The following CDH18 variants were observed in gnomAD, a reference collection of about 807,000 sequenced individuals.
CDH18 encodes the protein cadherin 18.
In CDH18, 31 loss-of-function variants were observed where a neutral mutation model predicts 67.9. The observed-to-expected ratio is 0.46, with a 90% CI of 0.34 to 0.62. The LOEUF (loss-of-function observed/expected upper bound fraction) is 0.62. CDH18 is among the 20% of genes least tolerant of loss of function. The pLI, the probability that CDH18 is intolerant of heterozygous loss-of-function variation, is 0.01. For missense variants in CDH18, 890 were observed against 975.5 expected, an observed-to-expected ratio of 0.91 and a Z score of 1.17; for synonymous variants, 362 against 347.2, an observed-to-expected ratio of 1.04 and a Z score of -0.48.
intron 3 of CDH18, among the ~76,000 whole-genome samples, chr5:19,816,703 C>A (rs1779320857): frequency 6.6e-6 from 1 of 151,618 alleles, no homozygotes; most frequent in South Asian, 2.1e-4. Context: ...AATTTCACTG[C>A]TGCATCATTC....
chr5:19,489,253 T>TTC (rs1451407092), intron 11 of CDH18, among the ~76,000 whole-genome samples: 1 of 147,794 alleles, frequency 6.8e-6, no homozygotes, highest in African/African-American at 2.5e-5. Context: ...TTTTTTTCTT[T>TTC]TTTTTTTTTT....
At chr5:19,595,975 T>C (rs1034325495) in intron 6 of CDH18, among the ~76,000 whole-genome samples, 2 of 152,210 alleles carry the variant, frequency 1.3e-5, no homozygotes, top group Non-Finnish European at 2.9e-5. Context: ...TACTAAAAGA[T>C]CTATCTTCCT....
rs150198088 is a variant in CDH18, at chr5:19,509,892, T to C, written c.1513-6783A>G. On this transcript the variant is annotated intron_variant, in intron 10 of 12. Coordinates refer to ENST00000382275, the MANE Select transcript of CDH18 (RefSeq NM_004934.5). ...TTTTCTCAGGCAACATACTAAAAGATTTTTTTTTTCAGAACAGGAAAATAT... is the reference window on the plus strand; with the variant it reads ...TTTTCTCAGGCAACATACTAAAAGACTTTTTTTTTCAGAACAGGAAAATAT... Among the ~76,000 whole-genome samples the C allele has an allele frequency of 1.4e-3, 215 of 150,728 alleles. 2 individuals are homozygous for C. Among genetic ancestry groups the C allele is most frequent in the African/African-American group, 5.1e-3 (208 of 41,120 alleles).
At chr5:20,439,930 T>C (rs2150188823) in intron 1 of CDH18, among the ~76,000 whole-genome samples, 1 of 151,868 alleles carries the variant, frequency 6.6e-6, no homozygotes, top group South Asian at 2.1e-4. Context: ...AAGAATAGAA[T>C]TGTCTAAATT....
chr5:19,805,748 A>G (rs778715120), intron 3 of CDH18, among the ~76,000 whole-genome samples: 1 of 152,098 alleles, frequency 6.6e-6, no homozygotes, highest in Non-Finnish European at 1.5e-5. Context: ...AGTCGTGTCA[A>G]TTCTACATCT....
At chr5:20,099,476 A>C (rs1008014974) in intron 2 of CDH18, among the ~76,000 whole-genome samples, 2 of 152,194 alleles carry the variant, frequency 1.3e-5, no homozygotes, top group African/African-American at 4.8e-5. Context: ...TATTTCTTTT[A>C]AACATTCATT....
intron 1 of CDH18, among the ~76,000 whole-genome samples, chr5:20,381,097 G>T (rs964552180): frequency 1.3e-5 from 2 of 152,052 alleles, no homozygotes; most frequent in Non-Finnish European, 2.9e-5. Context: ...CCATGAGCAG[G>T]CACAGAGAAA....
chr5:20,184,125 G>A lies in CDH18; in HGVS notation c.-518+71319C>T, dbSNP rs796871387. Among the ~76,000 whole-genome samples the A allele has an allele frequency of 6.6e-5, 10 of 152,002 alleles. No individual in the cohort carries two copies. In the South Asian group the frequency reaches 2.1e-3, roughly 31 times the overall value. On this transcript the variant is annotated intron_variant, in intron 2 of 14. Transcript: ENST00000507958. ...TTGACTTTCAAAAATATTTTCACCTGAGGAATGACTAATCTAGTGACATAA... is the reference window on the plus strand; with the variant it reads ...TTGACTTTCAAAAATATTTTCACCTAAGGAATGACTAATCTAGTGACATAA...
At chr5:19,677,514 T>C (rs1285736141) in intron 5 of CDH18, among the ~76,000 whole-genome samples, 1 of 152,010 alleles carries the variant, frequency 6.6e-6, no homozygotes, top group Non-Finnish European at 1.5e-5. Flanking sequence ...CAAGTCTGTA[T>C]AACAAACAGC....
chr5:19,799,188 A>G (rs529079958), intron 3 of CDH18, among the ~76,000 whole-genome samples: 3 of 152,188 alleles, frequency 2.0e-5, no homozygotes, highest in African/African-American at 4.8e-5. Context: ...TATATGGGAT[A>G]TCTAAAATAT....
chr5:19,713,776 A>C (rs1236761307), intron 5 of CDH18, among the ~76,000 whole-genome samples: 1 of 152,084 alleles, frequency 6.6e-6, no homozygotes. Flanking sequence ...ATACCTTTTG[A>C]TATTTCATTT....
intron 2 of CDH18, among the ~76,000 whole-genome samples, chr5:19,888,180 C>T (rs1400723329): frequency 6.6e-6 from 1 of 152,038 alleles, no homozygotes; most frequent in Non-Finnish European, 1.5e-5. Context: ...ATTATTTTTG[C>T]TATCTTTGGC....
intron 2 of CDH18, among the ~76,000 whole-genome samples, chr5:20,153,119 T>C (rs1417521772): frequency 1.3e-5 from 2 of 152,044 alleles, no homozygotes; most frequent in East Asian, 3.9e-4. Context: ...ATTTTTGGTA[T>C]TTTTAGTACA....
At chr5:19,984,175 G>A (rs182600340) in intron 1 of CDH18, among the ~76,000 whole-genome samples, 208 of 152,002 alleles carry the variant, frequency 1.4e-3, no homozygotes, top group African/African-American at 4.7e-3. Context: ...ATGGGTTTAT[G>A]TGACTGTATG....
intron 2 of CDH18, among the ~76,000 whole-genome samples, chr5:20,185,373 A>C (rs1257177833): frequency 6.6e-6 from 1 of 151,904 alleles, no homozygotes; most frequent in East Asian, 1.9e-4. Flanking sequence ...GCACTCACAA[A>C]AATTACTTTG....
At chr5:19,982,660 T>C (rs1202558408) in intron 1 of CDH18, among the ~76,000 whole-genome samples, 2 of 152,194 alleles carry the variant, frequency 1.3e-5, no homozygotes, top group Non-Finnish European at 2.9e-5. Context: ...AAAATCGATA[T>C]ATTGATTTTC....
Position 20,333,552 on chromosome 5 carries a change from T to C in CDH18, c.-579-78047A>G, listed in dbSNP as rs370930059. The stretch of plus-strand genomic sequence containing the variant: ...ATACACACACACACACACACACACA[T>C]ATATGTATATATATATATTTATATA... On this transcript the variant is annotated intron_variant, in intron 1 of 14. Transcript: ENST00000507958. Among the ~76,000 whole-genome samples, 74 of 101,586 alleles carry C rather than the reference T, an allele frequency of 7.3e-4. No homozygotes were observed. The Middle Eastern group carries it at 0.019, about 26-fold the overall frequency. 66.6% of individuals were successfully genotyped at this position (101,586 alleles called of 152,430 possible).
intron 2 of CDH18, among the ~76,000 whole-genome samples, chr5:20,130,078 A>ATTATTATGATTG: frequency 7.0e-6 from 1 of 142,136 alleles, no homozygotes; most frequent in East Asian, 2.0e-4. Flanking sequence ...TATTATTGTT[A>ATTATTATGATTG]TTATTATTAT....
intron 1 of CDH18, among the ~76,000 whole-genome samples, chr5:20,314,036 G>A (rs1737242524): frequency 6.6e-6 from 1 of 151,972 alleles, no homozygotes; most frequent in African/African-American, 2.4e-5. Flanking sequence ...ATTTAACAAT[G>A]TGATAGAATA....
Sources: allele counts gnomAD v4.1 joint callset (sites outside exome capture counted in the v4.1 genomes callset), GRCh38; gene constraint gnomAD v4.1.1; transcripts MANE v1.5; gene names NCBI Gene and HGNC (gene_info 2026-07-23, HGNC 2026-07-21).